The following GRID2 variants were observed in gnomAD, a reference collection of about 807,000 sequenced individuals.
The protein encoded by GRID2 is glutamate ionotropic receptor delta type subunit 2, also known as glutamate receptor ionotropic, delta-2.
A neutral mutation model predicts 114.8 loss-of-function variants in GRID2; 33 were observed. The observed-to-expected ratio is 0.29, with a 90% CI of 0.22 to 0.38. GRID2 has a LOEUF of 0.38. Among genes scored for constraint, GRID2 ranks in the 10% least tolerant of loss-of-function variants. The pLI, the probability that GRID2 is intolerant of heterozygous loss-of-function variation, is 1.00. For synonymous variants in GRID2, 505 were observed against 449.9 expected, an observed-to-expected ratio of 1.12 and a Z score of -1.55; for missense variants, 1,184 against 1,257.7, an observed-to-expected ratio of 0.94 and a Z score of 0.89.
chr4:93,608,296 C>CTTTTTTTTTTTTTTATTTTTTTTTT (rs774334616), intron 13 of GRID2, among the ~76,000 whole-genome samples: 4 of 117,002 alleles, frequency 3.4e-5, no homozygotes, highest in African/African-American at 6.9e-5. Flanking sequence ...ATTTTTTTTT[C>CTTTTTTTTTTTTTTATTTTTTTTTT]TTTTTTTTTT....
intron 14 of GRID2, among the ~76,000 whole-genome samples, chr4:93,696,468 A>G (rs901837729): frequency 2.0e-5 from 3 of 151,992 alleles, no homozygotes; most frequent in Non-Finnish European, 4.4e-5. Flanking sequence ...AGGATTTGAT[A>G]CTTCTTAAAA....
chr4:92,930,326 T>G, intron 2 of GRID2, among the ~76,000 whole-genome samples: 1 of 151,334 alleles, frequency 6.6e-6, no homozygotes, highest in East Asian at 1.9e-4. Flanking sequence ...AACGTTTTCA[T>G]CTTCAACTAA....
intron 2 of GRID2, among the ~76,000 whole-genome samples, chr4:93,059,007 T>C (rs1727528685): frequency 6.6e-6 from 1 of 152,014 alleles, no homozygotes; most frequent in African/African-American, 2.4e-5. Context: ...CTTGATCACA[T>C]AGTAGAAAGA....
chr4:92,593,897 T>C (rs1728825549), intron 2 of GRID2, among the ~76,000 whole-genome samples: 1 of 149,880 alleles, frequency 6.7e-6, no homozygotes, highest in Non-Finnish European at 1.5e-5. Context: ...ATCTAGGATG[T>C]AGTGTTCTCC....
intron 14 of GRID2, among the ~76,000 whole-genome samples, chr4:93,743,984 T>C (rs1400330130): frequency 1.3e-5 from 2 of 152,168 alleles, no homozygotes; most frequent in Admixed American, 1.3e-4. Flanking sequence ...AAGTCCTTAA[T>C]AATTATGCCA....
chr4:93,666,902 T>A (rs28590159), intron 14 of GRID2, among the ~76,000 whole-genome samples: 10,341 of 152,186 alleles, frequency 0.068, 405 homozygotes, highest in South Asian at 0.11. Flanking sequence ...TAAAATTCTT[T>A]TTAAATATTA....
At chr4:92,448,858 A>C (rs1162367597) in intron 1 of GRID2, among the ~76,000 whole-genome samples, 1 of 152,218 alleles carries the variant, frequency 6.6e-6, no homozygotes, top group African/African-American at 2.4e-5. Flanking sequence ...ATAAAAATCA[A>C]TTTCAATCTC....
At chr4:92,366,761 C>T (rs2110210865) in intron 1 of GRID2, among the ~76,000 whole-genome samples, 1 of 152,038 alleles carries the variant, frequency 6.6e-6, no homozygotes, top group Middle Eastern at 3.4e-3. Context: ...TGGACATTGG[C>T]CTTGGCAATG....
chr4:93,044,915 G>A (rs1409900919), intron 2 of GRID2, among the ~76,000 whole-genome samples: 1 of 152,078 alleles, frequency 6.6e-6, no homozygotes, highest in African/African-American at 2.4e-5. Context: ...ATGGCTTTAG[G>A]ACACTCAGAA....
chr4:92,522,463 T>G (rs545899004), intron 1 of GRID2, among the ~76,000 whole-genome samples: 35 of 152,084 alleles, frequency 2.3e-4, no homozygotes, highest in African/African-American at 7.7e-4. Flanking sequence ...GGATCTGAGA[T>G]CTGACTTAGG....
At chr4:93,139,988 A>G (rs771914788) in intron 4 of GRID2, among the ~76,000 whole-genome samples, 1 of 152,182 alleles carries the variant, frequency 6.6e-6, no homozygotes, top group African/African-American at 2.4e-5. Context: ...AAAACCAAGC[A>G]ACATGCCGTT....
chr4:92,687,544 T>G (rs1733969502), intron 2 of GRID2, among the ~76,000 whole-genome samples: 1 of 152,034 alleles, frequency 6.6e-6, no homozygotes, highest in Non-Finnish European at 1.5e-5. Flanking sequence ...AAATACCTTA[T>G]TGGGGCCGGG....
At chr4:93,031,178 TGG>T (rs1026106359) in intron 2 of GRID2, among the ~76,000 whole-genome samples, 3 of 151,504 alleles carry the variant, frequency 2.0e-5, no homozygotes, top group Non-Finnish European at 4.4e-5. Context: ...CCCGAGTAGC[TGG>T]GACTATAGGC....
intron 14 of GRID2, among the ~76,000 whole-genome samples, chr4:93,726,196 T>C (rs1705177836): frequency 6.6e-6 from 1 of 152,258 alleles, no homozygotes; most frequent in Non-Finnish European, 1.5e-5. Flanking sequence ...TTTAACTTTC[T>C]ACATATGGCT....
intron 14 of GRID2, among the ~76,000 whole-genome samples, chr4:93,678,584 AG>A (rs1352148020): frequency 6.6e-6 from 1 of 152,210 alleles, no homozygotes; most frequent in East Asian, 1.9e-4. Context: ...ATCTCTCAGC[AG>A]AAACTCTACA....
At chr4:92,380,896 C>G (rs1241462753) in intron 1 of GRID2, among the ~76,000 whole-genome samples, 1 of 151,802 alleles carries the variant, frequency 6.6e-6, no homozygotes, top group South Asian at 2.1e-4. Flanking sequence ...ATTACACAAC[C>G]AAAATGGTAC....
At chr4:92,660,719 T>A (rs116394012) in intron 2 of GRID2, among the ~76,000 whole-genome samples, 2,662 of 151,328 alleles carry the variant, frequency 0.018, 35 homozygotes, top group Non-Finnish European at 0.028. Flanking sequence ...ATAAATACAT[T>A]CATTTCCCTT....
intron 2 of GRID2, among the ~76,000 whole-genome samples, chr4:92,932,334 T>C (rs1301124155): frequency 6.6e-6 from 1 of 151,144 alleles, no homozygotes; most frequent in Non-Finnish European, 1.5e-5. Flanking sequence ...AACCACAAGA[T>C]AAGGTTTTGC....
At chr4:93,114,469 A>AT (rs1265346659) in intron 4 of GRID2, among the ~76,000 whole-genome samples, 6 of 152,032 alleles carry the variant, frequency 3.9e-5, no homozygotes, top group East Asian at 1.9e-4. Flanking sequence ...CTCATCCACC[A>AT]TTTTTTTAAG....
Sources: gnomAD v4.1 joint callset for allele counts (sites outside exome capture counted in the v4.1 genomes callset) on GRCh38, gnomAD v4.1.1 for gene constraint, MANE v1.5 for transcripts, NCBI Gene and HGNC (gene_info 2026-07-23, HGNC 2026-07-21) for gene names.